The following RORB variants were observed in gnomAD, a reference collection of about 807,000 sequenced individuals.
The protein encoded by RORB is nuclear receptor ROR-beta.
A neutral mutation model predicts 59.1 loss-of-function variants in RORB; 6 were observed. That is an observed-to-expected ratio of 0.10 (90% confidence interval 0.06 to 0.20). The LOEUF is 0.20. RORB is among the 10% of genes least tolerant of loss of function. The pLI, the probability that RORB is intolerant of heterozygous loss-of-function variation, is 1.00. For missense variants in RORB, 320 were observed against 560.5 expected (o/e 0.57, Z 4.33); for synonymous variants, 215 against 204.5 (o/e 1.05, Z -0.44).
intron 1 of RORB, among the ~76,000 whole-genome samples, chr9:74,583,487 A>AGGTTACTAATTTGTAACCTAATTT (rs1312682080): frequency 1.3e-5 from 2 of 152,014 alleles, no homozygotes; most frequent in South Asian, 2.1e-4. Flanking sequence ...AACCCAAATT[A>AGGTTACTAATTTGTAACCTAATTT]GGTTACTAAT....
At chr9:74,500,189 C>T (rs1357368364) in intron 1 of RORB, among the ~76,000 whole-genome samples, 1 of 152,178 alleles carries the variant, frequency 6.6e-6, no homozygotes, top group Admixed American at 6.5e-5. Flanking sequence ...CTCAGGCGGC[C>T]TTAGGGGAAT....
intron 1 of RORB, among the ~76,000 whole-genome samples, chr9:74,520,044 T>C (rs971715159): frequency 2.0e-5 from 3 of 151,470 alleles, no homozygotes; most frequent in African/African-American, 4.9e-5. Flanking sequence ...ACACAGCACA[T>C]AGAGACTTAG....
At chr9:74,558,321 T>G in intron 1 of RORB, among the ~76,000 whole-genome samples, 1 of 152,166 alleles carries the variant, frequency 6.6e-6, no homozygotes, top group East Asian at 1.9e-4. Context: ...AGCTGGAGAC[T>G]GTTATTATTA....
chr9:74,540,546 C>G (rs1826390223), intron 1 of RORB, among the ~76,000 whole-genome samples: 1 of 152,150 alleles, frequency 6.6e-6, no homozygotes. Context: ...TTCGTAACTT[C>G]CTCCTCAATT....
At chr9:74,601,772 C>T (rs1823060764) in intron 1 of RORB, among the ~76,000 whole-genome samples, 1 of 152,254 alleles carries the variant, frequency 6.6e-6, no homozygotes, top group Non-Finnish European at 1.5e-5. Context: ...CATGTGGGCA[C>T]TTTCCCTCCA....
intron 1 of RORB, among the ~76,000 whole-genome samples, chr9:74,625,415 A>G (rs1823494846): frequency 6.6e-6 from 1 of 152,126 alleles, no homozygotes; most frequent in African/African-American, 2.4e-5. Flanking sequence ...GAAGTTAGAG[A>G]CCAGCCTGGA....
At chr9:74,639,287 G>A (rs1823754456) in intron 3 of RORB, among the ~76,000 whole-genome samples, 1 of 152,198 alleles carries the variant, frequency 6.6e-6, no homozygotes. Flanking sequence ...AGTCTCTGCT[G>A]TGTCACATTT....
chr9:74,596,299 A>G (rs1273744649), intron 1 of RORB, among the ~76,000 whole-genome samples: 2 of 152,194 alleles, frequency 1.3e-5, no homozygotes, highest in African/African-American at 4.8e-5. Flanking sequence ...ATTTTTTAGA[A>G]AAGAGAATTA....
chr9:74,574,029 G>C (rs1054120942), intron 1 of RORB, among the ~76,000 whole-genome samples: 1 of 152,164 alleles, frequency 6.6e-6, no homozygotes, highest in Non-Finnish European at 1.5e-5. Context: ...TAAAGGAACA[G>C]AGGCGCCATT....
intron 9 of RORB, among the ~76,000 whole-genome samples, chr9:74,673,077 A>G (rs946474500): frequency 2.0e-5 from 3 of 152,222 alleles, no homozygotes; most frequent in East Asian, 3.8e-4. Context: ...ATTATAGAGC[A>G]ATAGTTCTCT....
At chr9:74,502,104 T>G (rs186178575) in intron 1 of RORB, among the ~76,000 whole-genome samples, 1 of 152,254 alleles carries the variant, frequency 6.6e-6, no homozygotes, top group East Asian at 1.9e-4. Context: ...ATTTACTTAT[T>G]TTGGCAGCAA....
intron 1 of RORB, among the ~76,000 whole-genome samples, chr9:74,521,263 A>C (rs2118069408): frequency 6.6e-6 from 1 of 152,030 alleles, no homozygotes; most frequent in South Asian, 2.1e-4. Flanking sequence ...CAGAAAAATA[A>C]CCACATGTAT....
intron 9 of RORB, among the ~76,000 whole-genome samples, chr9:74,677,749 G>A (rs1486844453): frequency 6.6e-6 from 1 of 152,200 alleles, no homozygotes; most frequent in Non-Finnish European, 1.5e-5. Context: ...AGAGTATGCA[G>A]CCTTCACTTT....
chr9:74,551,091 C>T lies in RORB; in HGVS notation c.7+53108C>T, dbSNP rs114328356. Among the ~76,000 whole-genome samples, 733 of 151,848 alleles carry T rather than the reference C, an allele frequency of 4.8e-3. 8 individuals carry two copies. The highest frequency in any genetic ancestry group is 0.017 in the African/African-American group (708 of 41,402). ...TGCATTCTATTCCATGGAACAGTGC[C>T]GATCTAGAGATAATGTATGCGCACT... On this transcript the variant is annotated intron_variant, in intron 1 of 9. Coordinates refer to ENST00000376896, the MANE Select transcript of RORB (RefSeq NM_006914.4).
rs1195868969 is a variant in RORB, at chr9:74,513,593, T to G, written c.7+15610T>G. 2.6e-5 allele frequency among the ~76,000 whole-genome samples: 4 copies of G among 152,014 alleles called. No individual in the cohort carries two copies. The South Asian group carries it at 8.3e-4, about 31-fold the overall frequency. On this transcript the variant is annotated intron_variant, in intron 1 of 9. Transcript: ENST00000376896. ...TAAGTCTAAAATATATACTTACTTT[T>G]TTTTGGAGAGTGGTATAACCTAGTA...
At position 74,691,281 on chromosome 9, in the gene RORB, G is replaced by A. The variant is rs1290663964; in HGVS notation, c.*5663G>A. 2.0e-5 allele frequency: 3 copies of A among 152,152 alleles called. No homozygotes were observed. Among genetic ancestry groups the A allele is most frequent in the Non-Finnish European group, 2.9e-5 (2 of 68,038 alleles). 9.4% of individuals were successfully genotyped at this position (152,152 alleles called of 1,614,324 possible). ...GAATGAGCCCTGTTCAGGGCAGCACGGGGCATCTGCACCCCAGCTGGGCAG... is the reference window on the plus strand; with the variant it reads ...GAATGAGCCCTGTTCAGGGCAGCACAGGGCATCTGCACCCCAGCTGGGCAG... On this transcript the variant is annotated 3_prime_UTR_variant, in exon 10 of 10. Transcript: ENST00000376896.
chr9:74,576,489 G>C (rs1393132088), intron 1 of RORB, among the ~76,000 whole-genome samples: 1 of 152,028 alleles, frequency 6.6e-6, no homozygotes, highest in East Asian at 1.9e-4. Context: ...AGATTTCATA[G>C]GGGACAAAAG....
intron 1 of RORB, among the ~76,000 whole-genome samples, chr9:74,620,025 A>C (rs1587388765): frequency 6.6e-6 from 1 of 152,198 alleles, no homozygotes; most frequent in Non-Finnish European, 1.5e-5. Context: ...TGTCTCTGCC[A>C]GGCTTTGGTA....
chr9:74,688,264 G>A lies in RORB; in HGVS notation c.*2646G>A, dbSNP rs140916364. 6.6e-6 allele frequency: 1 copy of A among 152,312 alleles called. No homozygotes were observed. Among genetic ancestry groups the A allele is most frequent in the East Asian group, 1.9e-4 (1 of 5,172 alleles). The allele number at this position is 152,312 out of a possible 1,614,324, so 9.4% of individuals were successfully genotyped here. A position where few individuals can be genotyped will look rare whatever the true frequency, so the allele number is the denominator to read the frequency against. ...AACCAGGACATACTCATCCCACTTA[G>A]TTGAGAGAAGAGATTTCTAGTTTGG... On this transcript the variant is annotated 3_prime_UTR_variant, in exon 10 of 10. Transcript: ENST00000376896.
Sources: gnomAD v4.1 joint callset for allele counts (sites outside exome capture counted in the v4.1 genomes callset) on GRCh38, gnomAD v4.1.1 for gene constraint, MANE v1.5 for transcripts, NCBI Gene and HGNC (gene_info 2026-07-23, HGNC 2026-07-21) for gene names.